Variants in CRIM1 observed in about 807,000 individuals in gnomAD.
CRIM1 encodes cysteine rich transmembrane BMP regulator 1.
In CRIM1, 32 loss-of-function variants were observed where a neutral mutation model predicts 116.4. That is an observed-to-expected ratio of 0.27 (90% CI 0.21 to 0.37). The LOEUF (loss-of-function observed/expected upper bound fraction) is 0.37, where lower values mean the gene tolerates loss of function less well. Ranked by LOEUF, CRIM1 falls within the 10% of genes least tolerant of loss-of-function variation. The pLI is 1.00. For synonymous variants in CRIM1, 590 were observed against 509.2 expected (o/e 1.16, Z -2.13); for missense variants, 1,331 against 1,354.8 (o/e 0.98, Z 0.28).
intron 2 of CRIM1, among the ~76,000 whole-genome samples, chr2:36,399,474 A>G (rs967746572): frequency 1.1e-4 from 17 of 152,228 alleles, no homozygotes; most frequent in African/African-American, 3.9e-4. Context: ...GGTATCTGCT[A>G]GCAGGAAAGG....
At chr2:36,446,591 C>T (rs1676259539) in intron 4 of CRIM1, among the ~76,000 whole-genome samples, 1 of 152,136 alleles carries the variant, frequency 6.6e-6, no homozygotes, top group African/African-American at 2.4e-5. Flanking sequence ...GTTTAAACAT[C>T]ATTCTTGTGT....
intron 12 of CRIM1, among the ~76,000 whole-genome samples, chr2:36,520,464 C>T (rs138669908): frequency 1.3e-3 from 202 of 152,262 alleles, no homozygotes; most frequent in African/African-American, 4.7e-3. Flanking sequence ...AATTATCCCT[C>T]GACGTAGATA....
rs564562464 is a variant in CRIM1, at chr2:36,484,030, T to C, written c.1372+4336T>C. Reference sequence around the variant, plus strand: ...CTACAGGCCAGTTGGACCAGTTTCCTGCATTGACGGTTCACCCTTCTGATG... The same window carrying C: ...CTACAGGCCAGTTGGACCAGTTTCCCGCATTGACGGTTCACCCTTCTGATG... On this transcript the variant is annotated intron_variant, in intron 7 of 16. Coordinates refer to ENST00000280527, the MANE Select transcript of CRIM1 (RefSeq NM_016441.3). Among the ~76,000 whole-genome samples, 4 of 152,368 alleles carry C rather than the reference T, an allele frequency of 2.6e-5. No individual in the cohort carries two copies. The East Asian group carries it at 7.7e-4, about 29-fold the overall frequency.
intron 7 of CRIM1, among the ~76,000 whole-genome samples, chr2:36,487,603 T>C (rs1016653782): frequency 3.3e-5 from 5 of 151,722 alleles, no homozygotes; most frequent in South Asian, 4.2e-4. Flanking sequence ...TAAAACTGTT[T>C]AGAGGAAGCA....
intron 2 of CRIM1, among the ~76,000 whole-genome samples, chr2:36,439,061 A>G (rs112819986): frequency 2.0e-5 from 3 of 152,336 alleles, no homozygotes; most frequent in African/African-American, 7.2e-5. Context: ...CATGTGGGTG[A>G]TAGCCACAGG....
At chr2:36,404,281 T>TTA (rs1299315861) in intron 2 of CRIM1, among the ~76,000 whole-genome samples, 1 of 152,176 alleles carries the variant, frequency 6.6e-6, no homozygotes, top group African/African-American at 2.4e-5. Context: ...GTTGACTAAT[T>TTA]TATACTCCCT....
chr2:36,521,186 T>C (rs934268615), intron 12 of CRIM1, among the ~76,000 whole-genome samples: 1 of 152,232 alleles, frequency 6.6e-6, no homozygotes, highest in African/African-American at 2.4e-5. Context: ...CTGGATTTTC[T>C]GGTGACATTT....
In CRIM1 at chr2:36,548,663, A is replaced by T; in HGVS notation, c.3073A>T (p.Asn1025Tyr). The T allele has an allele frequency of 6.2e-7, 1 of 1,607,270 alleles. No individual in the cohort carries two copies. The highest frequency in any genetic ancestry group is 8.5e-7 in the Non-Finnish European group (1 of 1,177,968). Residue 1025 changes from asparagine to tyrosine, a missense_variant, in exon 17 of 17, where the codon AAC becomes TAC. Asn to Tyr is a moderately radical substitution (Grantham distance 143). Transcript: ENST00000280527. ...FSGFYSMQKQ[N>Y]HLQADNFYQT... The stretch of plus-strand genomic sequence containing the variant: ...TGGCTTCTACAGCATGCAAAAACAG[A>T]ACCATCTACAGGCAGACAATTTCTA...
intron 4 of CRIM1, among the ~76,000 whole-genome samples, chr2:36,452,830 G>A (rs1676842179): frequency 6.6e-6 from 1 of 152,128 alleles, no homozygotes; most frequent in Non-Finnish European, 1.5e-5. Context: ...CACTGTATAT[G>A]TGGCCCTCCG....
rs1675211989 is a variant in CRIM1, at chr2:36,435,248, A to G, written c.506-6010A>G. 2.6e-5 allele frequency among the ~76,000 whole-genome samples: 4 copies of G among 152,174 alleles called. No individual in the cohort carries two copies. The South Asian group carries it at 6.2e-4, about 24-fold the overall frequency. ...ACCTACTAAATTTCCGCTATCAAAT[A>G]TAATCCAAATTTGGGGTCCTTTGAA... On this transcript the variant is annotated intron_variant, in intron 2 of 16. Transcript: ENST00000280527.
At chr2:36,428,503 C>T (rs1674629694) in intron 2 of CRIM1, among the ~76,000 whole-genome samples, 1 of 152,150 alleles carries the variant, frequency 6.6e-6, no homozygotes, top group Non-Finnish European at 1.5e-5. Context: ...GTAGAAGAAG[C>T]CTGGGCTTTC....
At position 36,356,496 on chromosome 2, in the gene CRIM1, C is replaced by T. The variant is rs899474298; in HGVS notation, c.204C>T (p.Ser68=). The part of the protein sequence containing the change: ...GVCGCCYTCA[S]QRNESCGGTF... ...GCGGCTGCTGCTACACGTGCGCCAG[C>T]CAGAGGAACGAGAGCTGCGGCGGCA... is the stretch of plus-strand genomic sequence containing the variant. The change falls in exon 1 of 17, where the codon AGC becomes AGT. Residue 68 remains serine, a synonymous_variant. Coordinates refer to ENST00000280527, the MANE Select transcript of CRIM1 (RefSeq NM_016441.3). The surrounding 1 kb of genome is among the most constrained non-coding windows in gnomAD (Gnocchi z 4.3). 2.5e-6 allele frequency: 4 copies of T among 1,612,650 alleles called. No homozygotes were observed. The highest frequency in any genetic ancestry group is 3.4e-6 in the Non-Finnish European group (4 of 1,179,848).
intron 12 of CRIM1, among the ~76,000 whole-genome samples, chr2:36,520,110 G>T (rs1218898781): frequency 6.6e-6 from 1 of 152,176 alleles, no homozygotes; most frequent in Non-Finnish European, 1.5e-5. Flanking sequence ...TGGGCCAGGA[G>T]CCTCCTGCCT....
Position 36,522,082 on chromosome 2 carries a change from A to AT in CRIM1, c.2207-5dup, listed in dbSNP as rs1558397557. ...ATCTTCTTTGCTGACCTATATGTTCATTTTTCCAGATCAACCTTTTCGGCC... is the reference window on the plus strand; with the variant it reads ...ATCTTCTTTGCTGACCTATATGTTCATTTTTTCCAGATCAACCTTTTCGGCC... On this transcript the variant is annotated splice_polypyrimidine_tract_variant and intron_variant, in intron 12 of 16. Transcript: ENST00000280527. The AT allele has an allele frequency of 6.2e-7, 1 of 1,613,140 alleles. No homozygotes were observed. The highest frequency in any genetic ancestry group is 1.7e-5 in the Admixed American group (1 of 60,028).
chr2:36,434,635 T>C (rs1675155646), intron 2 of CRIM1, among the ~76,000 whole-genome samples: 1 of 152,208 alleles, frequency 6.6e-6, no homozygotes, highest in Non-Finnish European at 1.5e-5. Context: ...GATGCTCAAT[T>C]AGTAGAGATT....
intron 4 of CRIM1, among the ~76,000 whole-genome samples, chr2:36,455,227 C>T (rs1677045336): frequency 6.6e-6 from 1 of 152,086 alleles, no homozygotes; most frequent in Admixed American, 6.5e-5. Context: ...TCACTGGATT[C>T]CAAAAGATCA....
chr2:36,544,861 T>C (rs1157573218), intron 15 of CRIM1, among the ~76,000 whole-genome samples: 1 of 152,202 alleles, frequency 6.6e-6, no homozygotes, highest in East Asian at 1.9e-4. Flanking sequence ...CATGAATTAG[T>C]CACTGTCTCT....
intron 2 of CRIM1, among the ~76,000 whole-genome samples, chr2:36,419,048 C>T (rs912460336): frequency 1.3e-5 from 2 of 152,136 alleles, no homozygotes; most frequent in Non-Finnish European, 2.9e-5. Context: ...CTGACAGTAT[C>T]CCTGTAATAA....
At chr2:36,411,223 C>T (rs957219220) in intron 2 of CRIM1, among the ~76,000 whole-genome samples, 5 of 152,108 alleles carry the variant, frequency 3.3e-5, no homozygotes, top group Admixed American at 1.3e-4. Context: ...TGGAATTTTT[C>T]AAATACAATT....
Sources: gnomAD v4.1 joint callset for allele counts (sites outside exome capture counted in the v4.1 genomes callset) on GRCh38, gnomAD v4.1.1 for gene constraint, Gnocchi (gnomAD v3.1) non-coding constraint, MANE v1.5 for transcripts, NCBI Gene and HGNC (gene_info 2026-07-23, HGNC 2026-07-21) for gene names.